EML6: variants seen among roughly 807,000 people sequenced by gnomAD.
The protein encoded by EML6 is echinoderm microtubule-associated protein-like 6.
A neutral mutation model predicts 240.1 loss-of-function variants in EML6; 154 were observed. The ratio of observed to expected loss-of-function variants is 0.64; its 90% CI spans 0.56 to 0.73. EML6 has a LOEUF of 0.73. EML6 is among the 30% of genes least tolerant of loss of function. EML6 has a pLI of 0.00. For missense variants in EML6, 2,964 were observed against 2,474.6 expected, an observed-to-expected ratio of 1.20 and a Z score of -4.20; for synonymous variants, 1,148 against 899.0, an observed-to-expected ratio of 1.28 and a Z score of -4.95.
At position 54,827,909 on chromosome 2, in the gene EML6, G is replaced by A. The variant is rs528141083; in HGVS notation, c.711+158G>A. 2.0e-5 allele frequency among the ~76,000 whole-genome samples: 3 copies of A among 152,226 alleles called. No homozygotes were observed. In the East Asian group the frequency reaches 5.8e-4, roughly 29 times the overall value. ...CCCATATTACATTTGCTCACCTAAA[G>A]GAAAATATATTTCAAAAGCATACAA... is the stretch of plus-strand genomic sequence containing the variant. On this transcript the variant is annotated intron_variant, in intron 6 of 41. Coordinates refer to ENST00000356458, the MANE Select transcript of EML6 (RefSeq NM_001039753.4).
At chr2:54,831,871 G>A (rs1313737240) in intron 7 of EML6, among the ~76,000 whole-genome samples, 3 of 152,178 alleles carry the variant, frequency 2.0e-5, no homozygotes, top group Non-Finnish European at 4.4e-5. Flanking sequence ...GGATGCTGTG[G>A]ATGATGTTAA....
chr2:54,867,931 T>G (rs1671056422), intron 14 of EML6: 1 of 152,132 alleles, frequency 6.6e-6, no homozygotes, highest in Non-Finnish European at 1.5e-5. Context: ...AAAAAAAATT[T>G]TTCTGTGGTC....
chr2:54,937,582 A>T (rs1053020525), intron 28 of EML6, among the ~76,000 whole-genome samples: 4 of 130,452 alleles, frequency 3.1e-5, no homozygotes, highest in South Asian at 2.5e-4. Flanking sequence ...AAAAAAAAAA[A>T]GTAGAAAAGT....
In EML6 at chr2:54,871,384, C is replaced by T. The variant is rs2103918605; in HGVS notation, c.2239-116C>T. On this transcript the variant is annotated intron_variant, in intron 15 of 41. Coordinates refer to ENST00000356458, the MANE Select transcript of EML6 (RefSeq NM_001039753.4). ...ATTGTAGCAGATGATTTCCTAGGGT[C>T]CTTCTATTCTCCAAATGGGTTTATC... is the stretch of plus-strand genomic sequence containing the variant. The T allele has an allele frequency of 8.3e-6, 6 of 726,154 alleles. No homozygotes were observed. The East Asian group carries it at 1.4e-4, about 16-fold the overall frequency. 45.0% of individuals were successfully genotyped at this position (726,154 alleles called of 1,614,324 possible). A position where few individuals can be genotyped will look rare whatever the true frequency, so the allele number is the denominator to read the frequency against.
chr2:54,909,239 A>G (rs1174537474), intron 24 of EML6, among the ~76,000 whole-genome samples: 1 of 152,194 alleles, frequency 6.6e-6, no homozygotes, highest in Non-Finnish European at 1.5e-5. Flanking sequence ...TGAGTGTCCT[A>G]AAAATAGAAT....
intron 2 of EML6, among the ~76,000 whole-genome samples, chr2:54,747,746 T>C (rs553838819): frequency 5.4e-4 from 82 of 152,322 alleles, no homozygotes; most frequent in African/African-American, 1.9e-3. Context: ...ATTAGCATGA[T>C]TGATTTCATC....
At position 54,964,019 on chromosome 2, in the gene EML6, G is replaced by A. The variant is rs1298824223; in HGVS notation, c.5191G>A (p.Ala1731Thr). The A allele has an allele frequency of 1.3e-6, 2 of 1,551,558 alleles. No individual in the cohort carries two copies. Among genetic ancestry groups the A allele is most frequent in the Admixed American group, 2.0e-5 (1 of 50,964 alleles). ...AAACAAGGTGAGCTTGGGCCATGCG[G>A]CCAGGTGTGCAGCCTACAGCCCTGA... ...LLNKVSLGHA[A>T]RCAAYSPDGE... Residue 1731 changes from alanine to threonine, a missense_variant, in exon 37 of 42, where the codon GCC becomes ACC. Physicochemically the swap from Ala to Thr is moderately conservative, Grantham distance 58 (BLOSUM62 0). Transcript: ENST00000356458.
At chr2:54,962,451 A>G in intron 35 of EML6, 72 bp from the exon 36 acceptor site, 1 of 1,190,228 alleles carries the variant, frequency 8.4e-7, no homozygotes, top group Non-Finnish European at 1.2e-6. Flanking sequence ...GAATTTGTCT[A>G]CTCTAGATAC....
chr2:54,788,466 C>T (rs1669209836), intron 2 of EML6, among the ~76,000 whole-genome samples: 1 of 150,708 alleles, frequency 6.6e-6, no homozygotes, highest in African/African-American at 2.5e-5. Flanking sequence ...TAGGATTAGG[C>T]GTCCAGCTGG....
At chr2:54,912,248 T>A (rs1673680668) in intron 25 of EML6, among the ~76,000 whole-genome samples, 1 of 152,206 alleles carries the variant, frequency 6.6e-6, no homozygotes, top group Admixed American at 6.5e-5. Context: ...TTGATCTCAC[T>A]CCCCTCCCCA....
intron 7 of EML6, among the ~76,000 whole-genome samples, chr2:54,840,489 C>G (rs958231820): frequency 6.6e-6 from 1 of 152,110 alleles, no homozygotes; most frequent in Non-Finnish European, 1.5e-5. Flanking sequence ...GCCCCTTTTT[C>G]AAATGTAATC....
chr2:54,829,283 A>G (rs1486261656), intron 6 of EML6, 59 bp from the exon 7 acceptor site: 2 of 1,474,924 alleles, frequency 1.4e-6, no homozygotes, highest in South Asian at 1.3e-5. Flanking sequence ...ATTCAACTGT[A>G]TCTATTCATT....
chr2:54,929,453 G>A (rs563670982), intron 28 of EML6, among the ~76,000 whole-genome samples: 15 of 152,176 alleles, frequency 9.9e-5, no homozygotes. Context: ...TGCTAAGAGT[G>A]GATATTGAAT....
rs1246361030 is a variant in EML6, at chr2:54,968,121, G to A, written c.5598-7G>A. On this transcript the variant is annotated splice_region_variant and splice_polypyrimidine_tract_variant and intron_variant, in intron 39 of 41. Coordinates refer to ENST00000356458, the MANE Select transcript of EML6 (RefSeq NM_001039753.4). ...TTCTATCCTAACCCCTCTTTCTGTTGGAACAGCGTCCTGGGAGATGAAGTC... is the reference window on the plus strand; with the variant it reads ...TTCTATCCTAACCCCTCTTTCTGTTAGAACAGCGTCCTGGGAGATGAAGTC... The A allele has an allele frequency of 1.9e-6, 3 of 1,550,502 alleles. No homozygotes were observed. The highest frequency in any genetic ancestry group is 4.9e-5 in the East Asian group (2 of 40,930).
Position 54,959,186 on chromosome 2 carries a change from C to G in EML6, c.4778C>G (p.Ala1593Gly). Reference protein sequence around the residue: ...DHFLIRLVAKAHTGPVFTMYT... With the variant: ...DHFLIRLVAKGHTGPVFTMYT... Reference sequence around the variant, plus strand: ...TTCCTCATCCGGCTGGTGGCCAAGGCTCACACAGGCCCCGTGTTCACAATG... The same window carrying G: ...TTCCTCATCCGGCTGGTGGCCAAGGGTCACACAGGCCCCGTGTTCACAATG... Residue 1593 changes from alanine to glycine, a missense_variant, in exon 34 of 42, where the codon GCT (alanine) becomes GGT (glycine). By Grantham distance (60) the Ala-to-Gly change is moderately conservative (BLOSUM62 0). Coordinates refer to ENST00000356458, the MANE Select transcript of EML6 (RefSeq NM_001039753.4). 4 of 1,551,662 alleles carry G rather than the reference C, an allele frequency of 2.6e-6. No individual in the cohort carries two copies. The highest frequency in any genetic ancestry group is 2.6e-6 in the Non-Finnish European group (3 of 1,146,976).
intron 26 of EML6, among the ~76,000 whole-genome samples, chr2:54,917,559 C>A (rs1673990725): frequency 6.6e-6 from 1 of 152,076 alleles, no homozygotes; most frequent in African/African-American, 2.4e-5. Context: ...GAGAGGGTTT[C>A]ACCATCTTGA....
intron 7 of EML6, 47 bp from the exon 8 acceptor site, chr2:54,843,999 TG>T: frequency 8.5e-7 from 1 of 1,178,214 alleles, no homozygotes; most frequent in Non-Finnish European, 1.2e-6. Context: ...TGTGTGTGTG[TG>T]TGTGAATAGT....
intron 5 of EML6, among the ~76,000 whole-genome samples, chr2:54,825,795 G>A (rs1433113655): frequency 6.6e-6 from 1 of 152,088 alleles, no homozygotes; most frequent in African/African-American, 2.4e-5. Context: ...TGGGGGTATA[G>A]CCATCCCAGA....
chr2:54,915,322 C>T (rs139971688), intron 25 of EML6, among the ~76,000 whole-genome samples: 2 of 152,250 alleles, frequency 1.3e-5, no homozygotes, highest in African/African-American at 2.4e-5. Flanking sequence ...GCCAGCATCA[C>T]TGTAGGGATT....
Sources: gnomAD v4.1 joint callset for allele counts (sites outside exome capture counted in the v4.1 genomes callset) on GRCh38, gnomAD v4.1.1 for gene constraint, MANE v1.5 for transcripts, NCBI Gene and HGNC (gene_info 2026-07-23, HGNC 2026-07-21) for gene names.